Variants in HECTD2 observed in about 807,000 individuals in gnomAD.
HECTD2 encodes probable E3 ubiquitin-protein ligase HECTD2.
A neutral mutation model predicts 103.2 loss-of-function variants in HECTD2; 35 were observed. The ratio of observed to expected loss-of-function variants is 0.34; its 90% CI spans 0.26 to 0.45. The LOEUF (loss-of-function observed/expected upper bound fraction) is 0.45, where lower values mean the gene tolerates loss of function less well. Ranked by LOEUF, HECTD2 falls within the 20% of genes least tolerant of loss-of-function variation. The pLI, the probability that HECTD2 is intolerant of heterozygous loss-of-function variation, is 1.00. For missense variants in HECTD2, 596 were observed against 937.4 expected (o/e 0.64, Z 4.76); for synonymous variants, 281 against 329.9 (o/e 0.85, Z 1.61).
intron 2 of HECTD2, among the ~76,000 whole-genome samples, chr10:91,440,069 T>G (rs994700742): frequency 6.6e-6 from 1 of 152,228 alleles, no homozygotes; most frequent in Middle Eastern, 3.4e-3. Flanking sequence ...TTAAATGCCC[T>G]TTCTTTCTCT....
intron 20 of HECTD2, among the ~76,000 whole-genome samples, chr10:91,503,043 T>C (rs1846968182): frequency 6.6e-6 from 1 of 152,198 alleles, no homozygotes; most frequent in African/African-American, 2.4e-5. Context: ...CCATTGAATA[T>C]TCATTCACTA....
At chr10:91,505,378 A>T (rs1847111709) in intron 20 of HECTD2, among the ~76,000 whole-genome samples, 1 of 152,164 alleles carries the variant, frequency 6.6e-6, no homozygotes, top group East Asian at 1.9e-4. Flanking sequence ...CAGGAAACCC[A>T]TCTCACATGC....
chr10:91,443,816 G>C (rs182930995), intron 2 of HECTD2, among the ~76,000 whole-genome samples: 2 of 152,334 alleles, frequency 1.3e-5, no homozygotes, highest in African/African-American at 4.8e-5. Context: ...TGATGACACA[G>C]AAGAGTTTAT....
rs561481989 is a variant in HECTD2, at chr10:91,460,664, A to G, written c.407+99A>G. Reference sequence around the variant, plus strand: ...TTGAGAAATTAACTTTTGGATCACTATAAGATATTAGCCAAGAGGACCTCA... The same window carrying G: ...TTGAGAAATTAACTTTTGGATCACTGTAAGATATTAGCCAAGAGGACCTCA... On this transcript the variant is annotated intron_variant, in intron 3 of 20. Coordinates refer to ENST00000298068, the MANE Select transcript of HECTD2 (RefSeq NM_182765.6). 108 of 1,200,988 alleles carry G rather than the reference A, an allele frequency of 9.0e-5. 2 individuals are homozygous for G. The South Asian group carries it at 1.4e-3, about 15-fold the overall frequency. 74.4% of individuals were successfully genotyped at this position (1,200,988 alleles called of 1,614,324 possible). A position where few individuals can be genotyped will look rare whatever the true frequency, so the allele number is the denominator to read the frequency against.
At chr10:91,433,666 G>A (rs75662313) in intron 2 of HECTD2, among the ~76,000 whole-genome samples, 2,456 of 151,916 alleles carry the variant, frequency 0.016, 66 homozygotes, top group African/African-American at 0.055. Context: ...TACATATGTC[G>A]CTTTGTTCAT....
intron 18 of HECTD2, among the ~76,000 whole-genome samples, chr10:91,499,787 C>T (rs1846821583): frequency 6.6e-6 from 1 of 152,126 alleles, no homozygotes; most frequent in Non-Finnish European, 1.5e-5. Context: ...GGAGTAAGAT[C>T]TTTCATTTGA....
chr10:91,435,029 T>C (rs1844056062), intron 2 of HECTD2, among the ~76,000 whole-genome samples: 1 of 151,964 alleles, frequency 6.6e-6, no homozygotes, highest in African/African-American at 2.4e-5. Context: ...TCTTAGCAAC[T>C]GATGGCACAC....
chr10:91,433,804 G>A (rs570291076), intron 2 of HECTD2, among the ~76,000 whole-genome samples: 4 of 151,936 alleles, frequency 2.6e-5, no homozygotes, highest in Non-Finnish European at 5.9e-5. Flanking sequence ...GGTGCATGTA[G>A]TCTATACTTA....
intron 2 of HECTD2, among the ~76,000 whole-genome samples, chr10:91,454,800 G>C (rs1167717915): frequency 6.6e-6 from 1 of 150,744 alleles, no homozygotes; most frequent in African/African-American, 2.4e-5. Context: ...ATTTCCACCT[G>C]TGAGTGAGAA....
chr10:91,449,943 G>A (rs551135585), intron 2 of HECTD2, among the ~76,000 whole-genome samples: 52 of 151,172 alleles, frequency 3.4e-4, no homozygotes, highest in African/African-American at 1.2e-3. Flanking sequence ...ATGAAAATGG[G>A]CCATACTGCC....
chr10:91,441,859 C>A (rs1314418756), intron 2 of HECTD2, among the ~76,000 whole-genome samples: 2 of 122,156 alleles, frequency 1.6e-5, no homozygotes, highest in Non-Finnish European at 3.4e-5. Flanking sequence ...AAGTCTGTTT[C>A]ATCAGAGACT....
At chr10:91,494,960 G>T (rs916144702) in intron 14 of HECTD2, among the ~76,000 whole-genome samples, 7 of 150,906 alleles carry the variant, frequency 4.6e-5, no homozygotes, top group African/African-American at 7.3e-5. Flanking sequence ...ATTGCTCATT[G>T]TTTTTTTTGC....
chr10:91,458,594 C>A (rs1473854927), intron 2 of HECTD2, among the ~76,000 whole-genome samples: 2 of 151,808 alleles, frequency 1.3e-5, no homozygotes. Context: ...ATGGCATATG[C>A]CCAGTTGTAA....
At chr10:91,481,722 T>C (rs1846092406) in intron 7 of HECTD2, among the ~76,000 whole-genome samples, 1 of 151,860 alleles carries the variant, frequency 6.6e-6, no homozygotes, top group South Asian at 2.1e-4. Context: ...CTTTTTATTA[T>C]TTTTTGAGGA....
rs145217168 is a variant in HECTD2, at chr10:91,422,836, A to G, written c.139-2445A>G. Among the ~76,000 whole-genome samples the G allele has an allele frequency of 3.4e-3, 521 of 152,250 alleles. 3 individuals carry two copies. The highest frequency in any genetic ancestry group is 7.1e-3 in the South Asian group (34 of 4,816). ...AACTGATAGTTGTTGAATAACTGTT[A>G]ATTGAATTCTTAATTTTTATTGTTT... On this transcript the variant is annotated intron_variant, in intron 1 of 20. Coordinates refer to ENST00000298068, the MANE Select transcript of HECTD2 (RefSeq NM_182765.6).
intron 2 of HECTD2, among the ~76,000 whole-genome samples, chr10:91,453,688 GT>G (rs1386525928): frequency 6.6e-6 from 1 of 152,030 alleles, no homozygotes; most frequent in Non-Finnish European, 1.5e-5. Flanking sequence ...ACAGACTTAA[GT>G]TCTACCTTAT....
At chr10:91,484,765 C>G in intron 9 of HECTD2, 110 bp downstream of exon 9, 1 of 773,456 alleles carries the variant, frequency 1.3e-6, no homozygotes, top group South Asian at 2.3e-5. Flanking sequence ...TAAACCATTT[C>G]TGTGAAGGAA....
At chr10:91,454,949 T>A (rs1379587250) in intron 2 of HECTD2, among the ~76,000 whole-genome samples, 1 of 152,186 alleles carries the variant, frequency 6.6e-6, no homozygotes, top group Non-Finnish European at 1.5e-5. Context: ...TGTGCCACAT[T>A]TTCTTAATCC....
At chr10:91,423,845 G>GA (rs1843452389) in intron 1 of HECTD2, among the ~76,000 whole-genome samples, 1 of 152,078 alleles carries the variant, frequency 6.6e-6, no homozygotes, top group African/African-American at 2.4e-5. Context: ...AGTCCAGCAT[G>GA]AAGGGCCAAC....
Sources: allele counts gnomAD v4.1 joint callset (sites outside exome capture counted in the v4.1 genomes callset), GRCh38; gene constraint gnomAD v4.1.1; transcripts MANE v1.5; gene names NCBI Gene and HGNC (gene_info 2026-07-23, HGNC 2026-07-21).